The following RPGRIP1 variants were observed in gnomAD, a reference collection of about 807,000 sequenced individuals.
RPGRIP1 encodes the protein X-linked retinitis pigmentosa GTPase regulator-interacting protein 1.
RPGRIP1 carries 128 observed loss-of-function variants against 157.9 expected under a neutral mutation model. The ratio of observed to expected loss-of-function variants is 0.81; its 90% CI spans 0.70 to 0.94. The LOEUF (loss-of-function observed/expected upper bound fraction) is 0.94. Among genes scored for constraint, RPGRIP1 ranks in the 40% least tolerant of loss-of-function variants. The pLI is 0.00. For synonymous variants in RPGRIP1, 554 were observed against 571.6 expected, an observed-to-expected ratio of 0.97 and a Z score of 0.44; for missense variants, 1,486 against 1,545.8, an observed-to-expected ratio of 0.96 and a Z score of 0.65.
chr14:21,325,005 G>A lies in RPGRIP1; in HGVS notation c.2150G>A (p.Gly717Glu). 6.2e-7 allele frequency: 1 copy of A among 1,614,024 alleles called. No homozygotes were observed. The highest frequency in any genetic ancestry group is 8.5e-7 in the Non-Finnish European group (1 of 1,179,892). Residue 717 changes from glycine to glutamate, a missense_variant, in exon 15 of 25, where the codon GGA becomes GAA. Coordinates refer to ENST00000400017, the MANE Select transcript of RPGRIP1 (RefSeq NM_020366.4). ...MASEHSTLAAGWICFDRVLET... is the reference protein window; with the variant it reads ...MASEHSTLAAEWICFDRVLET... ...AGTGAACACAGCACTCTTGCTGCAGGATGGATTTGCTTTGACAGGGTGCTA... is the reference window on the plus strand; with the variant it reads ...AGTGAACACAGCACTCTTGCTGCAGAATGGATTTGCTTTGACAGGGTGCTA...
Position 21,310,613 on chromosome 14 carries a change from T to G in RPGRIP1, c.930+6T>G. ...ACGAAACCTTGCTCCAGAAGGTACT[T>G]AATGAGAATTGAGTCTCTGTTTCTT... On this transcript the variant is annotated splice_donor_region_variant and intron_variant, in intron 8 of 24. Transcript: ENST00000400017. 11 of 1,451,554 alleles carry G rather than the reference T, an allele frequency of 7.6e-6. No homozygotes were observed. The highest frequency in any genetic ancestry group is 9.4e-6 in the Non-Finnish European group (10 of 1,067,790). 89.9% of individuals were successfully genotyped at this position (1,451,554 alleles called of 1,614,324 possible).
At chr14:21,320,254 T>A (rs1373012284) in intron 12 of RPGRIP1, 77 bp downstream of exon 12, 2 of 1,289,332 alleles carry the variant, frequency 1.6e-6, no homozygotes, top group Non-Finnish European at 2.2e-6. Flanking sequence ...GATGATGAGA[T>A]TAGAAAACTA....
At chr14:21,318,272 A>G (rs1445203933) in intron 11 of RPGRIP1, 5 of 298,970 alleles carry the variant, frequency 1.7e-5, no homozygotes, top group African/African-American at 4.6e-5. Context: ...ACGCCTGGCT[A>G]TTTTTTTTTT....
intron 21 of RPGRIP1, among the ~76,000 whole-genome samples, chr14:21,341,705 G>C (rs1409049138): frequency 6.6e-6 from 1 of 152,052 alleles, no homozygotes; most frequent in African/African-American, 2.4e-5. Context: ...ATGGACACAG[G>C]GACAATTAAA....
chr14:21,350,232 A>G (rs1886069306), intron 24 of RPGRIP1, among the ~76,000 whole-genome samples: 1 of 152,112 alleles, frequency 6.6e-6, no homozygotes, highest in Non-Finnish European at 1.5e-5. Context: ...AAAAAAAATT[A>G]GCCAGGCATG....
At chr14:21,280,677 T>C (rs1484499077) in intron 1 of RPGRIP1, among the ~76,000 whole-genome samples, 1 of 152,106 alleles carries the variant, frequency 6.6e-6, no homozygotes, top group Non-Finnish European at 1.5e-5. Context: ...TTGATTCTCC[T>C]TCCTCAGTGT....
At chr14:21,336,657 G>A (rs905491333) in intron 21 of RPGRIP1, among the ~76,000 whole-genome samples, 14 of 152,186 alleles carry the variant, frequency 9.2e-5, no homozygotes, top group African/African-American at 3.1e-4. Flanking sequence ...TGGAGCCACA[G>A]AATGTTGGAA....
In RPGRIP1 at chr14:21,351,086, T is replaced by C; in HGVS notation, c.3749-18T>C. 3 of 1,493,474 alleles carry C rather than the reference T, an allele frequency of 2.0e-6. No individual in the cohort carries two copies. In the South Asian group the frequency reaches 3.5e-5, roughly 17 times the overall value. The allele number at this position is 1,493,474 out of a possible 1,614,324, so 92.5% of individuals were successfully genotyped here. The stretch of plus-strand genomic sequence containing the variant: ...AGTGTTCAACTGAGTGATGCTGTTT[T>C]TTTCCCTTTCCCAACAGTTGTTAGC... On this transcript the variant is annotated intron_variant, in intron 24 of 24. Transcript: ENST00000400017.
intron 24 of RPGRIP1, among the ~76,000 whole-genome samples, chr14:21,350,390 A>AAC (rs1555307748): frequency 1.1e-5 from 1 of 91,042 alleles, no homozygotes; most frequent in Non-Finnish European, 2.4e-5. Context: ...AAAAAAAAAA[A>AAC]AAAAAAGAAA....
At chr14:21,294,486 C>A (rs1001645559) in intron 2 of RPGRIP1, among the ~76,000 whole-genome samples, 191 bp from the exon 3 acceptor site, 1 of 152,122 alleles carries the variant, frequency 6.6e-6, no homozygotes, top group Non-Finnish European at 1.5e-5. Context: ...CCTCAGCTTC[C>A]CAAAGTGCTG....
chr14:21,315,690 C>T (rs1881756154), intron 10 of RPGRIP1, among the ~76,000 whole-genome samples: 1 of 151,932 alleles, frequency 6.6e-6, no homozygotes, highest in Non-Finnish European at 1.5e-5. Context: ...TTACTATTTG[C>T]CTCTCCCCTT....
At chr14:21,324,253 A>G (rs944860356) in intron 14 of RPGRIP1, 5 of 331,882 alleles carry the variant, frequency 1.5e-5, no homozygotes, top group African/African-American at 1.1e-4. Context: ...AGAAATATTC[A>G]TGTTTTTGTG....
rs746235927 is a variant in RPGRIP1, at chr14:21,321,315, G to A, written c.1524G>A (p.Leu508=). The A allele has an allele frequency of 1.2e-6, 2 of 1,614,000 alleles. No individual in the cohort carries two copies. Among genetic ancestry groups the A allele is most frequent in the East Asian group, 4.5e-5 (2 of 44,890 alleles). The change falls in exon 13 of 25, where the codon TTG becomes TTA. Residue 508 remains leucine (L), a synonymous_variant. Transcript: ENST00000400017. ...AACTGTCCCAGGTGCTAAATGAGTT[G>A]CAAGTATCACACGCAGAGACCACAT... ...EKKLSQVLNE[L]QVSHAETTLE...
chr14:21,301,675 CAAAA>C (rs1881034635), intron 4 of RPGRIP1, among the ~76,000 whole-genome samples: 1 of 111,476 alleles, frequency 9.0e-6, no homozygotes, highest in Non-Finnish European at 1.8e-5. Flanking sequence ...GACTCTGTCT[CAAAA>C]TAATAATAAT....
rs7157052 is a variant in RPGRIP1 at position 21,325,077 on chromosome 14, G to A, written c.2215+7G>A. Reference sequence around the variant, plus strand: ...GGCTTGGCCACACTGATTGGTAAGTGCCGTTGGCTTCCTGCGGCTCCTAAG... The same window carrying A: ...GGCTTGGCCACACTGATTGGTAAGTACCGTTGGCTTCCTGCGGCTCCTAAG... On this transcript the variant is annotated splice_region_variant and intron_variant, in intron 15 of 24. Coordinates refer to ENST00000400017, the MANE Select transcript of RPGRIP1 (RefSeq NM_020366.4). 343,561 of 1,599,062 alleles carry A rather than the reference G, an allele frequency of 0.21. 38,971 individuals are homozygous for A. The highest frequency in any genetic ancestry group is 0.23 in the Non-Finnish European group (269,310 of 1,170,060).
At chr14:21,331,971 C>G (rs1474552017) in intron 20 of RPGRIP1, among the ~76,000 whole-genome samples, 1 of 135,680 alleles carries the variant, frequency 7.4e-6, no homozygotes, top group African/African-American at 2.8e-5. Flanking sequence ...TGAAGTCTCT[C>G]TCTGTCACCC....
intron 2 of RPGRIP1, among the ~76,000 whole-genome samples, chr14:21,290,922 A>G (rs1456264631): frequency 6.7e-6 from 1 of 150,352 alleles, no homozygotes; most frequent in Non-Finnish European, 1.5e-5. Context: ...AAAAACTTGA[A>G]CCCAGGAGGC....
chr14:21,297,727 T>C (rs967439571), intron 3 of RPGRIP1, among the ~76,000 whole-genome samples: 1 of 152,110 alleles, frequency 6.6e-6, no homozygotes, highest in African/African-American at 2.4e-5. Context: ...CTAAGCTTTG[T>C]TTGATTGGGT....
Position 21,303,337 on chromosome 14 carries a change from T to C in RPGRIP1, c.594T>C (p.Ser198=), listed in dbSNP as rs764044384. The change falls in exon 6 of 25, where the codon TCT becomes TCC. Residue 198 remains serine, a synonymous_variant. Coordinates refer to ENST00000400017, the MANE Select transcript of RPGRIP1 (RefSeq NM_020366.4). ...GTATCCTTTTTGTATTTAGTGTTTC[T>C]GGTTCTAACAGCATAATTTCTTTCA... ...EVASKPSELV[S]GSNSIISFSS... is the part of the protein sequence containing the mutation. The C allele has an allele frequency of 1.9e-5, 31 of 1,610,894 alleles. No homozygotes were observed. The highest frequency in any genetic ancestry group is 1.6e-4 in the Middle Eastern group (1 of 6,084).
Sources: gnomAD v4.1 joint callset for allele counts (sites outside exome capture counted in the v4.1 genomes callset) on GRCh38, gnomAD v4.1.1 for gene constraint, MANE v1.5 for transcripts, NCBI Gene and HGNC (gene_info 2026-07-23, HGNC 2026-07-21) for gene names.